The following COL23A1 variants were observed in gnomAD, a reference collection of about 807,000 sequenced individuals.
The protein encoded by COL23A1 is collagen type XXIII alpha 1 chain, also known as collagen alpha-1(XXIII) chain.
A neutral mutation model predicts 99.3 loss-of-function variants in COL23A1; 97 were observed. That is an observed-to-expected ratio of 0.98 (90% CI 0.83 to 1.16). The LOEUF (loss-of-function observed/expected upper bound fraction) is 1.16, where lower values mean the gene tolerates loss of function less well. Ranked by LOEUF, COL23A1 falls within the 50% of genes most tolerant of loss-of-function variation. The pLI is 0.00. For synonymous variants in COL23A1, 320 were observed against 308.2 expected (o/e 1.04, Z -0.40); for missense variants, 762 against 757.4 (o/e 1.01, Z -0.07).
intron 2 of COL23A1, among the ~76,000 whole-genome samples, chr5:178,553,066 C>T (rs1283340591): frequency 3.3e-5 from 5 of 151,334 alleles, no homozygotes; most frequent in African/African-American, 4.9e-5. Context: ...GCTATTATCC[C>T]GGCTGAGGCA....
At chr5:178,497,928 T>C (rs1282260741) in intron 2 of COL23A1, among the ~76,000 whole-genome samples, 1 of 151,818 alleles carries the variant, frequency 6.6e-6, no homozygotes, top group Non-Finnish European at 1.5e-5. Flanking sequence ...AGAGAATATA[T>C]ATAAATTTCC....
At chr5:178,549,582 G>A (rs1394806591) in intron 2 of COL23A1, among the ~76,000 whole-genome samples, 2 of 152,094 alleles carry the variant, frequency 1.3e-5, no homozygotes, top group Non-Finnish European at 2.9e-5. Context: ...TTGGGAGGCT[G>A]AGGTGGGCAG....
intron 2 of COL23A1, among the ~76,000 whole-genome samples, chr5:178,358,053 TA>T: frequency 6.6e-6 from 1 of 150,810 alleles, no homozygotes; most frequent in African/African-American, 2.4e-5. Flanking sequence ...TATGTATGTC[TA>T]ATGTATGTGT....
intron 2 of COL23A1, among the ~76,000 whole-genome samples, chr5:178,474,435 ATAAT>A: frequency 6.6e-6 from 1 of 152,372 alleles, no homozygotes; most frequent in East Asian, 1.9e-4. Context: ...TCATAACTAA[ATAAT>A]TAACTTACTG....
At chr5:178,426,832 G>C (rs1247120773) in intron 2 of COL23A1, among the ~76,000 whole-genome samples, 2 of 152,238 alleles carry the variant, frequency 1.3e-5, no homozygotes, top group African/African-American at 4.8e-5. Flanking sequence ...CCTCATCAAA[G>C]AACATAGATG....
intron 2 of COL23A1, among the ~76,000 whole-genome samples, chr5:178,538,892 TA>T (rs1247033284): frequency 1.3e-5 from 2 of 151,838 alleles, no homozygotes; most frequent in Non-Finnish European, 2.9e-5. Flanking sequence ...TACTCAGCCA[TA>T]AAAAAAGAAT....
chr5:178,389,232 T>C (rs1248727097), intron 2 of COL23A1, among the ~76,000 whole-genome samples: 1 of 152,152 alleles, frequency 6.6e-6, no homozygotes, highest in Non-Finnish European at 1.5e-5. Flanking sequence ...GAAGCGGCTT[T>C]CCTTTTCCTC....
At chr5:178,345,109 C>G (rs2127668431) in intron 2 of COL23A1, 1 of 597,782 alleles carries the variant, frequency 1.7e-6, no homozygotes, top group East Asian at 4.2e-5. Context: ...GGCACGACAT[C>G]TCCCAGGAAG....
chr5:178,503,060 A>G (rs1758662559), intron 2 of COL23A1, among the ~76,000 whole-genome samples: 1 of 152,204 alleles, frequency 6.6e-6, no homozygotes, highest in Non-Finnish European at 1.5e-5. Context: ...AAAAGGAGAG[A>G]AAGTGGAGGA....
At position 178,248,267 on chromosome 5, in the gene COL23A1, A is replaced by G; in HGVS notation, c.1150-13T>C. The G allele has an allele frequency of 6.2e-7, 1 of 1,608,164 alleles. No individual in the cohort carries two copies. Among genetic ancestry groups the G allele is most frequent in the Non-Finnish European group, 8.5e-7 (1 of 1,175,534 alleles). ...GGCCGTCAGCGCCCTGCAGGACGGC[A>G]ATGGCCTGTGAGTCCTTTGTGTCCA... On this transcript the variant is annotated splice_polypyrimidine_tract_variant and intron_variant, in intron 19 of 28. Coordinates refer to ENST00000390654, the MANE Select transcript of COL23A1 (RefSeq NM_173465.4).
intron 2 of COL23A1, among the ~76,000 whole-genome samples, chr5:178,314,593 C>G (rs1228151377): frequency 2.0e-5 from 3 of 152,162 alleles, no homozygotes; most frequent in African/African-American, 7.2e-5. Context: ...TACAAAGGAG[C>G]TGACAGCACC....
At chr5:178,576,730 C>G (rs1409196671) in intron 1 of COL23A1, among the ~76,000 whole-genome samples, 1 of 152,098 alleles carries the variant, frequency 6.6e-6, no homozygotes, top group Non-Finnish European at 1.5e-5. Context: ...CCCCGCGCGC[C>G]AGGCCCTGCG....
chr5:178,245,808 G>C, intron 25 of COL23A1, 134 bp downstream of exon 25: 1 of 1,013,794 alleles, frequency 9.9e-7, no homozygotes. Context: ...GGGGACACAG[G>C]GGGAACCAGT....
intron 2 of COL23A1, among the ~76,000 whole-genome samples, chr5:178,348,791 T>C (rs1457520988): frequency 6.6e-6 from 1 of 152,134 alleles, no homozygotes; most frequent in African/African-American, 2.4e-5. Context: ...CTGCTCTGAA[T>C]CCAGCCCTTC....
intron 2 of COL23A1, among the ~76,000 whole-genome samples, chr5:178,517,518 C>T (rs1031647920): frequency 3.5e-5 from 5 of 144,082 alleles, no homozygotes; most frequent in Non-Finnish European, 7.5e-5. Flanking sequence ...CCTTCTCTCC[C>T]TCAACTCTCT....
chr5:178,267,218 G>T, intron 8 of COL23A1, 89 bp downstream of exon 8: 2 of 1,399,058 alleles, frequency 1.4e-6, no homozygotes, highest in Non-Finnish European at 2.0e-6. Context: ...GCTGCGGGGA[G>T]CTGGGACCCA....
At chr5:178,517,383 G>C (rs561693273) in intron 2 of COL23A1, among the ~76,000 whole-genome samples, 1 of 152,042 alleles carries the variant, frequency 6.6e-6, no homozygotes. Flanking sequence ...GTCTATACAC[G>C]GGCACTGTGG....
At chr5:178,351,060 A>G (rs114111239) in intron 2 of COL23A1, 6,909 of 152,320 alleles carry the variant, frequency 0.045, 298 homozygotes, top group African/African-American at 0.11. Flanking sequence ...CTGCTCAGGC[A>G]GGAAAGTCAC....
rs545229915 is a variant in COL23A1, at chr5:178,353,828, C to T, written c.362-46909G>A. On this transcript the variant is annotated intron_variant, in intron 2 of 28. Coordinates refer to ENST00000390654, the MANE Select transcript of COL23A1 (RefSeq NM_173465.4). Reference sequence around the variant, plus strand: ...ATGCACTCACCCCAGTGTCATTTAACGCAGCCATTCAAAAAAAACTAGGAC... The same window carrying T: ...ATGCACTCACCCCAGTGTCATTTAATGCAGCCATTCAAAAAAAACTAGGAC... Among the ~76,000 whole-genome samples, 26 of 151,898 alleles carry T rather than the reference C, an allele frequency of 1.7e-4. 1 individual carries two copies. The East Asian group carries it at 3.9e-3, about 23-fold the overall frequency.
Sources: gnomAD v4.1 joint callset for allele counts (sites outside exome capture counted in the v4.1 genomes callset) on GRCh38, gnomAD v4.1.1 for gene constraint, MANE v1.5 for transcripts, NCBI Gene and HGNC (gene_info 2026-07-23, HGNC 2026-07-21) for gene names.